DNAH10: variants seen among roughly 807,000 people sequenced by gnomAD.
DNAH10 encodes the protein dynein axonemal heavy chain 10.
DNAH10 carries 348 observed loss-of-function variants against 506.6 expected under a neutral mutation model. The ratio of observed to expected loss-of-function variants is 0.69; its 90% confidence interval spans 0.63 to 0.75. The LOEUF (loss-of-function observed/expected upper bound fraction) is 0.75. Among genes scored for constraint, DNAH10 ranks in the 30% least tolerant of loss-of-function variants. The pLI is 0.00. For missense variants in DNAH10, 5,179 were observed against 5,787.1 expected (o/e 0.89, Z 3.41); for synonymous variants, 2,059 against 2,198.6 (o/e 0.94, Z 1.78).
intron 14 of DNAH10, among the ~76,000 whole-genome samples, chr12:123,799,915 G>A (rs184060955): frequency 2.0e-4 from 30 of 152,262 alleles, no homozygotes; most frequent in African/African-American, 6.3e-4. Flanking sequence ...CTAGGGAACA[G>A]GTGGGCTCAG....
intron 44 of DNAH10, among the ~76,000 whole-genome samples, chr12:123,870,804 A>C (rs949958220): frequency 2.0e-5 from 3 of 152,100 alleles, no homozygotes; most frequent in Non-Finnish European, 4.4e-5. Flanking sequence ...CAGTCCACAG[A>C]GCTGGCTGGG....
intron 52 of DNAH10, 53 bp from the exon 53 acceptor site, chr12:123,893,180 G>A (rs1953063926): frequency 1.3e-5 from 20 of 1,555,092 alleles, no homozygotes; most frequent in South Asian, 8.0e-5. Context: ...AGCACTTAGA[G>A]CGGTCATGAC....
Position 123,859,261 on chromosome 12 carries a change from C to T in DNAH10, c.6742C>T (p.Gln2248Ter), listed in dbSNP as rs1951522784. ...CGTCATTAACACTCTGTGTCAGGCC[C>T]AGACCAAGTGAGTATGACCTCCGTA... ...SVVINTLCQA[Q>*]TKLGLTTKLY... Residue 2248 changes from glutamine (Q) to a stop codon, truncating the protein, a stop_gained, in exon 38 of 79, where the codon CAG becomes TAG. Transcript: ENST00000673944. LOFTEE classifies it high-confidence loss of function. The T allele has an allele frequency of 4.4e-6, 7 of 1,602,978 alleles. No homozygotes were observed. In the East Asian group the frequency reaches 1.6e-4, roughly 36 times the overall value.
intron 57 of DNAH10, among the ~76,000 whole-genome samples, chr12:123,904,781 A>G (rs1953698624): frequency 6.6e-6 from 1 of 152,220 alleles, no homozygotes; most frequent in Non-Finnish European, 1.5e-5. Flanking sequence ...CATGAGGATC[A>G]TATGAGCCTA....
intron 21 of DNAH10, among the ~76,000 whole-genome samples, chr12:123,815,070 AAAC>A (rs1388677554): frequency 2.0e-5 from 3 of 152,182 alleles, no homozygotes; most frequent in Admixed American, 1.3e-4. Context: ...AACAACAACA[AAAC>A]AACAACAGTT....
chr12:123,875,495 A>G lies in DNAH10; in HGVS notation c.8199+4A>G, dbSNP rs368556722. On this transcript the variant is annotated splice_donor_region_variant and intron_variant, in intron 47 of 78. Coordinates refer to ENST00000673944, the MANE Select transcript of DNAH10 (RefSeq NM_001372106.1). The stretch of plus-strand genomic sequence containing the variant: ...CATCCTGAAAGGCCACACCTCGGTA[A>G]CTTGATTTTAACTAGAAGTCTAAAC... 4 of 1,613,184 alleles carry G rather than the reference A, an allele frequency of 2.5e-6. No homozygotes were observed. In the African/African-American group the frequency reaches 5.3e-5, roughly 22 times the overall value.
chr12:123,776,636 T>TA (rs532981261), intron 5 of DNAH10, among the ~76,000 whole-genome samples: 14,119 of 129,920 alleles, frequency 0.11, 1,276 homozygotes, highest in African/African-American at 0.26. Context: ...ATTCCATCTC[T>TA]AAAAAAAAAA....
intron 1 of DNAH10, among the ~76,000 whole-genome samples, chr12:123,764,718 C>T (rs557545840): frequency 1.4e-4 from 21 of 152,276 alleles, no homozygotes; most frequent in South Asian, 4.1e-4. Flanking sequence ...TCCCCCACCC[C>T]GCCCCCTGAC....
chr12:123,841,273 T>G, intron 29 of DNAH10, 49 bp from the exon 30 acceptor site: 4 of 1,596,436 alleles, frequency 2.5e-6, no homozygotes, highest in Non-Finnish European at 3.4e-6. Context: ...TGGTCTTTGA[T>G]TCCAGAACTC....
At position 123,897,925 on chromosome 12, in the gene DNAH10, A is replaced by G. The variant is rs1054038348; in HGVS notation, c.9436A>G (p.Thr3146Ala). ...CAAGAACTACCTTGATTTTATTAAC[A>G]CCTATTCAAAATTGCTGGATGAGAA... ...TPKNYLDFIN[T>A]YSKLLDEKTQ... is the part of the protein sequence containing the mutation. The change falls in exon 55 of 79, where the codon ACC becomes GCC. Residue 3146 changes from threonine (T) to alanine (A), a missense_variant. Coordinates refer to ENST00000673944, the MANE Select transcript of DNAH10 (RefSeq NM_001372106.1). The G allele has an allele frequency of 5.0e-6, 8 of 1,601,032 alleles. No individual in the cohort carries two copies. Among genetic ancestry groups the G allele is most frequent in the Non-Finnish European group, 6.8e-6 (8 of 1,176,480 alleles).
intron 35 of DNAH10, among the ~76,000 whole-genome samples, chr12:123,851,326 A>G (rs4562909): frequency 0.4 from 50,182 of 125,902 alleles, 11,559 homozygotes; most frequent in Middle Eastern, 0.5. Context: ...TGTTAGCTCC[A>G]TGTGGCTCTT....
Position 123,913,424 on chromosome 12 carries a change from C to A in DNAH10, c.10352+109C>A. 8.4e-7 allele frequency: 1 copy of A among 1,189,806 alleles called. No individual in the cohort carries two copies. Among genetic ancestry groups the A allele is most frequent in the Non-Finnish European group, 1.2e-6 (1 of 868,602 alleles). 73.7% of individuals were successfully genotyped at this position (1,189,806 alleles called of 1,614,324 possible). On this transcript the variant is annotated intron_variant, in intron 60 of 78. Transcript: ENST00000673944. This position sits in a 1 kb window ranked among gnomAD's most constrained non-coding sequence, Gnocchi z 5.1. The stretch of plus-strand genomic sequence containing the variant: ...TCACGTTGTGTTTTTATGTGAAAAC[C>A]ATGTGACCAGGTCTTATGTTCCTAT...
At chr12:123,881,382 T>C (rs1332784268) in intron 50 of DNAH10, among the ~76,000 whole-genome samples, 1 of 152,246 alleles carries the variant, frequency 6.6e-6, no homozygotes, top group Non-Finnish European at 1.5e-5. Context: ...GGTTTTGATT[T>C]GCATTTCTCT....
Position 123,857,240 on chromosome 12 carries a change from C to G in DNAH10, c.6623C>G (p.Pro2208Arg). Residue 2208 changes from proline to arginine, a missense_variant, in exon 37 of 79, where the codon CCC becomes CGC. Physicochemically the swap from Pro to Arg is moderately radical, Grantham distance 103 (BLOSUM62 -2). Coordinates refer to ENST00000673944, the MANE Select transcript of DNAH10 (RefSeq NM_001372106.1). ...VLEENGYAVL[P>R]IQVDKVVQMF... ...GAGGAGAACGGCTACGCGGTCCTAC[C>G]CATCCAGGTAAAGCCAGGAAAATGA... is the stretch of plus-strand genomic sequence containing the variant. 1 of 1,556,594 alleles carries G rather than the reference C, an allele frequency of 6.4e-7. No homozygotes were observed. The highest frequency in any genetic ancestry group is 1.9e-5 in the Admixed American group (1 of 54,046).
In DNAH10 at chr12:123,850,446, G is replaced by A. The variant is rs1366844268; in HGVS notation, c.6103-442G>A. 1.3e-5 allele frequency among the ~76,000 whole-genome samples: 2 copies of A among 152,182 alleles called. No homozygotes were observed. Among genetic ancestry groups the A allele is most frequent in the African/African-American group, 4.8e-5 (2 of 41,444 alleles). ...AAGCCAGGTGAGAGGAATGGAAGCC[G>A]GCGCTGTGTGAGGTGGTGGGCTGGG... On this transcript the variant is annotated intron_variant, in intron 34 of 78. Transcript: ENST00000673944. This position sits in a 1 kb window ranked among gnomAD's most constrained non-coding sequence, Gnocchi z 5.5.
At chr12:123,841,005 C>T (rs1455009398) in intron 29 of DNAH10, among the ~76,000 whole-genome samples, 1 of 152,176 alleles carries the variant, frequency 6.6e-6, no homozygotes, top group Non-Finnish European at 1.5e-5. Flanking sequence ...ATCACCCTTC[C>T]GCCTCCTCCA....
At chr12:123,802,906 TTTTCTAA>T (rs1215858167) in intron 16 of DNAH10, among the ~76,000 whole-genome samples, 1 of 152,168 alleles carries the variant, frequency 6.6e-6, no homozygotes, top group Non-Finnish European at 1.5e-5. Flanking sequence ...CTTTTGCCTA[TTTTCTAA>T]TTAGATTGTT....
At chr12:123,872,325 C>G (rs1322339518) in intron 45 of DNAH10, among the ~76,000 whole-genome samples, 1 of 152,002 alleles carries the variant, frequency 6.6e-6, no homozygotes, top group African/African-American at 2.4e-5. Context: ...GGGGGATAAA[C>G]ATGGAGATGT....
chr12:123,883,075 G>A (rs1952580842), intron 51 of DNAH10, among the ~76,000 whole-genome samples: 1 of 151,816 alleles, frequency 6.6e-6, no homozygotes, highest in Non-Finnish European at 1.5e-5. Context: ...TTGCCAAATA[G>A]GAGGCCCTCG....
Sources: gnomAD v4.1 joint callset for allele counts (sites outside exome capture counted in the v4.1 genomes callset) on GRCh38, gnomAD v4.1.1 for gene constraint, Gnocchi (gnomAD v3.1) non-coding constraint, MANE v1.5 for transcripts, NCBI Gene and HGNC (gene_info 2026-07-23, HGNC 2026-07-21) for gene names.